The following MAP4 variants were observed in gnomAD, a reference collection of about 807,000 sequenced individuals.
The protein encoded by MAP4 is microtubule associated protein 4, also known as microtubule-associated protein 4.
A neutral mutation model predicts 170.2 loss-of-function variants in MAP4; 76 were observed. That is an observed-to-expected ratio of 0.45 (90% confidence interval 0.37 to 0.54). MAP4 has a LOEUF of 0.54. Among genes scored for constraint, MAP4 ranks in the 20% least tolerant of loss-of-function variants. MAP4 has a pLI of 0.00. For synonymous variants in MAP4, 909 were observed against 994.5 expected, an observed-to-expected ratio of 0.91 and a Z score of 1.62; for missense variants, 2,506 against 2,748.0, an observed-to-expected ratio of 0.91 and a Z score of 1.97.
chr3:48,048,557 A>G (rs1363731854), intron 1 of MAP4, among the ~76,000 whole-genome samples: 1 of 121,298 alleles, frequency 8.2e-6, no homozygotes, highest in East Asian at 2.4e-4. Flanking sequence ...TCACTCTGTC[A>G]CTCAGGCTAG....
At chr3:47,900,763 T>C (rs753148579) in intron 10 of MAP4, among the ~76,000 whole-genome samples, 2 of 151,792 alleles carry the variant, frequency 1.3e-5, no homozygotes, top group Non-Finnish European at 2.9e-5. Flanking sequence ...CAACAACAAC[T>C]CTAAAAACTA....
In MAP4 at chr3:47,852,738, G is replaced by T. The variant is rs1363491902; in HGVS notation, c.*196C>A. 2.0e-6 allele frequency: 3 copies of T among 1,532,880 alleles called. No homozygotes were observed. The highest frequency in any genetic ancestry group is 1.2e-5 in the South Asian group (1 of 82,812). 95.0% of individuals were successfully genotyped at this position (1,532,880 alleles called of 1,614,324 possible). A position where few individuals can be genotyped will look rare whatever the true frequency, so the allele number is the denominator to read the frequency against. On this transcript the variant is annotated 3_prime_UTR_variant, in exon 21 of 21. Coordinates refer to ENST00000683076, the MANE Select transcript of MAP4 (RefSeq NM_001385682.1). ...CTGCTGCCCCGGGCACGCAAAGCAG[G>T]AGGGAAGGCGAGCCTAGCGGGCTGC...
At chr3:48,059,514 CAAAAAAAAAAAAAAAA>C (rs762700404) in intron 1 of MAP4, among the ~76,000 whole-genome samples, 2 of 18,008 alleles carry the variant, frequency 1.1e-4, no homozygotes, top group South Asian at 2.1e-3. Context: ...GACTCCATCT[CAAAAAAAAAAAAAAAA>C]AAAAAAAAAA....
chr3:47,984,632 G>C (rs113923545), intron 2 of MAP4, among the ~76,000 whole-genome samples: 1,866 of 151,304 alleles, frequency 0.012, 44 homozygotes, highest in African/African-American at 0.043. Context: ...AGGAGTTCAA[G>C]ACCAGCCTGG....
chr3:47,928,523 T>C (rs2100047483), intron 3 of MAP4, among the ~76,000 whole-genome samples, 173 bp from the exon 4 acceptor site: 2 of 152,090 alleles, frequency 1.3e-5, no homozygotes, highest in African/African-American at 2.4e-5. Context: ...CTGGGTGCAA[T>C]GGTGCGTCTG....
chr3:48,082,999 G>C (rs935498489), intron 1 of MAP4, among the ~76,000 whole-genome samples: 1 of 152,042 alleles, frequency 6.6e-6, no homozygotes, highest in Admixed American at 6.6e-5. Flanking sequence ...ATCTTTAAAG[G>C]TGTCAAGGAA....
chr3:47,947,205 G>A (rs2100060590), intron 3 of MAP4, among the ~76,000 whole-genome samples: 1 of 152,044 alleles, frequency 6.6e-6, no homozygotes, highest in South Asian at 2.1e-4. Context: ...TCTTGTCTTT[G>A]GTTCCCTCAG....
intron 3 of MAP4, among the ~76,000 whole-genome samples, chr3:47,949,921 C>G (rs2100062606): frequency 6.6e-6 from 1 of 152,156 alleles, no homozygotes; most frequent in Non-Finnish European, 1.5e-5. Context: ...TCCAGTCACC[C>G]CAGCTAACTT....
At chr3:48,063,521 C>A (rs2100136967) in intron 1 of MAP4, among the ~76,000 whole-genome samples, 1 of 152,096 alleles carries the variant, frequency 6.6e-6, no homozygotes, top group Non-Finnish European at 1.5e-5. Flanking sequence ...GATGAAAACT[C>A]ATGTCAACAC....
intron 3 of MAP4, among the ~76,000 whole-genome samples, chr3:47,939,331 T>G (rs1246639412): frequency 3.7e-4 from 57 of 152,312 alleles, no homozygotes; most frequent in Non-Finnish European, 2.9e-5. Context: ...AAATTTTCAT[T>G]ATTTTACATG....
At chr3:47,892,145 G>C in intron 10 of MAP4, 1 of 1,536,126 alleles carries the variant, frequency 6.5e-7, no homozygotes, top group Admixed American at 2.0e-5. Context: ...CCCCTCCAAG[G>C]GATGGCAGGT....
At position 48,063,446 on chromosome 3, in the gene MAP4, T is replaced by C. The variant is rs2100136940; in HGVS notation, c.-20+25327A>G. 2.0e-5 allele frequency among the ~76,000 whole-genome samples: 3 copies of C among 152,032 alleles called. No individual in the cohort carries two copies. In the South Asian group the frequency reaches 6.2e-4, roughly 32 times the overall value. On this transcript the variant is annotated intron_variant, in intron 1 of 18. Transcript: ENST00000360240. ...AGTTATACCCAGTTTGGGAGGTTCTTACAATACTAAACATACTCTCTCACC... is the reference window on the plus strand; with the variant it reads ...AGTTATACCCAGTTTGGGAGGTTCTCACAATACTAAACATACTCTCTCACC...
At chr3:48,025,903 AAATAATAATAAT>A (rs10645414) in intron 1 of MAP4, among the ~76,000 whole-genome samples, 4 of 140,256 alleles carry the variant, frequency 2.9e-5, no homozygotes, top group South Asian at 2.3e-4. Flanking sequence ...TCTGCCTCAA[AAATAATAATAAT>A]AATAATAATA....
intron 1 of MAP4, among the ~76,000 whole-genome samples, chr3:48,043,600 T>C (rs950754422): frequency 3.3e-5 from 5 of 152,196 alleles, no homozygotes; most frequent in Non-Finnish European, 7.3e-5. Context: ...TCAGTCCAAG[T>C]TTTTTAAAAG....
intron 10 of MAP4, among the ~76,000 whole-genome samples, chr3:47,882,848 C>T (rs2096980673): frequency 6.6e-6 from 1 of 152,124 alleles, no homozygotes; most frequent in South Asian, 2.1e-4. Context: ...ACTCTGTCGT[C>T]CAGGTTGGAG....
At chr3:47,925,862 G>A (rs1430075060) in intron 4 of MAP4, among the ~76,000 whole-genome samples, 1 of 152,052 alleles carries the variant, frequency 6.6e-6, no homozygotes, top group Non-Finnish European at 1.5e-5. Context: ...ACAATTCAGC[G>A]GAATTTTTTT....
At chr3:47,984,138 C>A (rs1443209506) in intron 2 of MAP4, among the ~76,000 whole-genome samples, 4 of 152,096 alleles carry the variant, frequency 2.6e-5, no homozygotes, top group Admixed American at 6.5e-5. Context: ...GTAGTTAAGA[C>A]TACCACCACA....
At chr3:47,873,833 A>G (rs1427317070) in intron 12 of MAP4, among the ~76,000 whole-genome samples, 1 of 152,256 alleles carries the variant, frequency 6.6e-6, no homozygotes, top group Non-Finnish European at 1.5e-5. Context: ...TAAGTTAGAA[A>G]AAAGTTATGT....
At chr3:47,967,674 C>A (rs1559635179) in intron 3 of MAP4, among the ~76,000 whole-genome samples, 1 of 151,906 alleles carries the variant, frequency 6.6e-6, no homozygotes, top group African/African-American at 2.4e-5. Context: ...ATAAAATACA[C>A]ATTTAGGCCG....
Sources: allele counts gnomAD v4.1 joint callset (sites outside exome capture counted in the v4.1 genomes callset), GRCh38; gene constraint gnomAD v4.1.1; transcripts MANE v1.5; gene names NCBI Gene and HGNC (gene_info 2026-07-23, HGNC 2026-07-21).